GABRB2: variants seen among roughly 807,000 people sequenced by gnomAD.
The protein encoded by GABRB2 is gamma-aminobutyric acid receptor subunit beta-2.
Under a neutral mutation model 54.7 loss-of-function variants are expected in GABRB2, and 16 were observed. The ratio of observed to expected loss-of-function variants is 0.29; its 90% CI spans 0.20 to 0.44. The LOEUF (loss-of-function observed/expected upper bound fraction) is 0.44. Ranked by LOEUF, GABRB2 falls within the 20% of genes least tolerant of loss-of-function variation. The pLI is 1.00. For missense variants in GABRB2, 355 were observed against 644.0 expected, an observed-to-expected ratio of 0.55 and a Z score of 4.86; for synonymous variants, 244 against 233.8, an observed-to-expected ratio of 1.04 and a Z score of -0.40.
chr5:161,476,486 A>G (rs896896826), intron 3 of GABRB2, among the ~76,000 whole-genome samples: 5 of 151,926 alleles, frequency 3.3e-5, no homozygotes, highest in South Asian at 2.1e-4. Flanking sequence ...CAAATAAACA[A>G]AATAATCTTG....
At position 161,305,224 on chromosome 5, in the gene GABRB2, G is replaced by T. The variant is rs573058239; in HGVS notation, c.1192-10796C>A. Among the ~76,000 whole-genome samples, 20 of 151,572 alleles carry T rather than the reference G, an allele frequency of 1.3e-4. No homozygotes were observed. In the South Asian group the frequency reaches 4.2e-3, roughly 32 times the overall value. On this transcript the variant is annotated intron_variant, in intron 9 of 9. Coordinates refer to ENST00000393959, the MANE Select transcript of GABRB2 (RefSeq NM_001371727.1). Reference sequence around the variant, plus strand: ...GTAGAGACGGGGTTTCACCCTGTTAGCCAGGATGGTCTCGATCTCCTGACC... The same window carrying T: ...GTAGAGACGGGGTTTCACCCTGTTATCCAGGATGGTCTCGATCTCCTGACC...
chr5:161,328,797 A>C (rs532417764), intron 8 of GABRB2, among the ~76,000 whole-genome samples: 2 of 152,276 alleles, frequency 1.3e-5, no homozygotes, highest in South Asian at 4.1e-4. Context: ...CACACTAGAT[A>C]CCAGTAGTAA....
At chr5:161,490,495 C>T (rs531746479) in intron 3 of GABRB2, among the ~76,000 whole-genome samples, 5 of 151,700 alleles carry the variant, frequency 3.3e-5, no homozygotes, top group Non-Finnish European at 7.4e-5. Flanking sequence ...CCAGATTGAA[C>T]CCTTATGAGG....
chr5:161,509,020 A>G (rs1759686788), intron 3 of GABRB2, among the ~76,000 whole-genome samples: 1 of 151,946 alleles, frequency 6.6e-6, no homozygotes, highest in African/African-American at 2.4e-5. Context: ...AACTAGCAAT[A>G]TGAAATTTCA....
chr5:161,360,908 A>T (rs905753779), intron 5 of GABRB2, among the ~76,000 whole-genome samples: 3 of 152,092 alleles, frequency 2.0e-5, no homozygotes, highest in Admixed American at 6.6e-5. Flanking sequence ...TAACATGTTA[A>T]AGGATACTGC....
chr5:161,481,319 A>C (rs984701382), intron 3 of GABRB2, among the ~76,000 whole-genome samples: 1 of 152,078 alleles, frequency 6.6e-6, no homozygotes, highest in African/African-American at 2.4e-5. Context: ...TAGGAAATCA[A>C]TATGTGATCA....
At chr5:161,384,930 T>A (rs372864003) in intron 5 of GABRB2, among the ~76,000 whole-genome samples, 2 of 152,172 alleles carry the variant, frequency 1.3e-5, no homozygotes, top group Non-Finnish European at 2.9e-5. Context: ...TATAGTTACA[T>A]ACATATGCTG....
At chr5:161,537,900 C>A (rs1398150735) in intron 3 of GABRB2, among the ~76,000 whole-genome samples, 1 of 151,992 alleles carries the variant, frequency 6.6e-6, no homozygotes, top group Non-Finnish European at 1.5e-5. Context: ...ATCCCTAATA[C>A]CATTTATTTA....
At chr5:161,533,452 G>C (rs1760528265) in intron 3 of GABRB2, among the ~76,000 whole-genome samples, 1 of 152,014 alleles carries the variant, frequency 6.6e-6, no homozygotes, top group South Asian at 2.1e-4. Flanking sequence ...GTAATATTAA[G>C]ATGGAAACAG....
intron 5 of GABRB2, among the ~76,000 whole-genome samples, chr5:161,389,925 T>C (rs1755767447): frequency 6.6e-6 from 1 of 151,934 alleles, no homozygotes; most frequent in African/African-American, 2.4e-5. Flanking sequence ...TTCATGAGTT[T>C]AAATTTCCTA....
chr5:161,432,225 A>G (rs1027798869), intron 4 of GABRB2, among the ~76,000 whole-genome samples: 2 of 152,152 alleles, frequency 1.3e-5, no homozygotes, highest in African/African-American at 4.8e-5. Flanking sequence ...TGAGTTTGCA[A>G]CCCTGCTCAC....
chr5:161,467,060 T>G (rs772928301), intron 3 of GABRB2, among the ~76,000 whole-genome samples: 57 of 152,110 alleles, frequency 3.7e-4, no homozygotes, highest in Non-Finnish European at 6.8e-4. Context: ...AAAGTTTATT[T>G]TCATCAGTGA....
At chr5:161,519,334 T>C (rs1760044761) in intron 3 of GABRB2, among the ~76,000 whole-genome samples, 1 of 152,198 alleles carries the variant, frequency 6.6e-6, no homozygotes, top group South Asian at 2.1e-4. Context: ...ACAGTAATTA[T>C]GTTGGGCCTA....
intron 5 of GABRB2, among the ~76,000 whole-genome samples, chr5:161,391,489 G>C (rs185525582): frequency 1.1e-4 from 16 of 152,210 alleles, no homozygotes; most frequent in African/African-American, 2.6e-4. Context: ...GGGAGCAAGG[G>C]AGAGTTGGAT....
intron 8 of GABRB2, among the ~76,000 whole-genome samples, chr5:161,328,992 T>G (rs2113394168): frequency 6.6e-6 from 1 of 152,300 alleles, no homozygotes; most frequent in African/African-American, 2.4e-5. Flanking sequence ...AGGATAGGCT[T>G]TTCACCACTA....
chr5:161,536,656 G>T (rs540404923), intron 3 of GABRB2, among the ~76,000 whole-genome samples: 4 of 152,220 alleles, frequency 2.6e-5, no homozygotes, highest in African/African-American at 9.6e-5. Context: ...GAGTGCAGTG[G>T]CACGATCTCG....
At chr5:161,385,638 G>T (rs1352604516) in intron 5 of GABRB2, among the ~76,000 whole-genome samples, 2 of 152,104 alleles carry the variant, frequency 1.3e-5, no homozygotes, top group Admixed American at 1.3e-4. Context: ...AATATTAGTT[G>T]ATCATATAGC....
At chr5:161,463,317 C>CA (rs1554102377) in intron 3 of GABRB2, among the ~76,000 whole-genome samples, 4 of 141,110 alleles carry the variant, frequency 2.8e-5, no homozygotes, top group East Asian at 2.1e-4. Flanking sequence ...TACACACACA[C>CA]CACACACACA....
intron 9 of GABRB2, among the ~76,000 whole-genome samples, chr5:161,301,321 C>T (rs1343045781): frequency 6.6e-6 from 1 of 152,096 alleles, no homozygotes; most frequent in African/African-American, 2.4e-5. Flanking sequence ...ATCGAGTTTC[C>T]ACACCAGCCC....
Sources: allele counts gnomAD v4.1 joint callset (sites outside exome capture counted in the v4.1 genomes callset), GRCh38; gene constraint gnomAD v4.1.1; transcripts MANE v1.5; gene names NCBI Gene and HGNC (gene_info 2026-07-23, HGNC 2026-07-21).